Variants in TRIAP1 observed in about 807,000 individuals in gnomAD.
TRIAP1 encodes the protein TP53-regulated inhibitor of apoptosis 1.
TRIAP1 carries 8 observed loss-of-function variants against 8.4 expected under a neutral mutation model. The ratio of observed to expected loss-of-function variants is 0.96; its 90% CI spans 0.56 to 1.73. The LOEUF (loss-of-function observed/expected upper bound fraction) is 1.73. Ranked by LOEUF, TRIAP1 falls within the 40% of genes most tolerant of loss-of-function variation. The pLI is 0.00. For missense variants in TRIAP1, 90 were observed against 96.9 expected (o/e 0.93, Z 0.30); for synonymous variants, 35 against 34.0 (o/e 1.03, Z -0.10).
chr12:120,446,279 T>C lies in TRIAP1; in HGVS notation c.94A>G (p.Ser32Gly). The change falls in exon 1 of 2, where the codon AGC (serine) becomes GGC (glycine). Residue 32 changes from serine (S) to glycine (G), a missense_variant. By Grantham distance (56) the Ser-to-Gly change is moderately conservative. Coordinates refer to ENST00000546954, the MANE Select transcript of TRIAP1 (RefSeq NM_016399.3). ...AGGTCGGTGCACGGGTCCCCGGAGC[T>C]GTCCCCCTTGAGAAATTTCTCGGCG... Reference protein sequence around the residue: ...WFAEKFLKGDSSGDPCTDLFK... With the variant: ...WFAEKFLKGDGSGDPCTDLFK... 1 of 1,614,198 alleles carries C rather than the reference T, an allele frequency of 6.2e-7. No homozygotes were observed. Among genetic ancestry groups the C allele is most frequent in the Non-Finnish European group, 8.5e-7 (1 of 1,180,034 alleles).
Position 120,446,306 on chromosome 12 carries a change from A to G in TRIAP1, c.67T>C (p.Phe23Leu). The change falls in exon 1 of 2, where the codon TTC becomes CTC. Residue 23 changes from phenylalanine to leucine, a missense_variant. By Grantham distance (22) the Phe-to-Leu change is conservative. Transcript: ENST00000546954. ...TCCCCCTTGAGAAATTTCTCGGCGA[A>G]CCAGCGATTGAAGCACTGGTCGTAC... ...REYDQCFNRW[F>L]AEKFLKGDSS... is the part of the protein sequence containing the mutation. 6.2e-7 allele frequency: 1 copy of G among 1,614,178 alleles called. No homozygotes were observed. The highest frequency in any genetic ancestry group is 8.5e-7 in the Non-Finnish European group (1 of 1,180,022).
In TRIAP1 at chr12:120,444,870, G is replaced by T. The variant is rs976948126; in HGVS notation, c.*2C>A. ...CGAAATCCTTCAAGGTGACTGTCAA[G>T]GTCAAGAAGAATTTTCAGGCTTTTC... On this transcript the variant is annotated 3_prime_UTR_variant, in exon 2 of 2. Transcript: ENST00000546954. 2 of 1,612,164 alleles carry T rather than the reference G, an allele frequency of 1.2e-6. No individual in the cohort carries two copies. Among genetic ancestry groups the T allele is most frequent in the Non-Finnish European group, 1.7e-6 (2 of 1,178,866 alleles).
At chr12:120,445,125 T>C (rs141826778) in intron 1 of TRIAP1, among the ~76,000 whole-genome samples, 170 bp from the exon 2 acceptor site, 72 of 152,376 alleles carry the variant, frequency 4.7e-4, no homozygotes, top group African/African-American at 1.6e-3. Flanking sequence ...GTGTGGTGGC[T>C]CACGCCTATA....
In TRIAP1 at chr12:120,446,216, G is replaced by A. The variant is rs760949611; in HGVS notation, c.147+10C>T. The A allele has an allele frequency of 1.9e-6, 3 of 1,611,836 alleles. No individual in the cohort carries two copies. The highest frequency in any genetic ancestry group is 2.5e-6 in the Non-Finnish European group (3 of 1,178,440). On this transcript the variant is annotated intron_variant, in intron 1 of 1. Transcript: ENST00000546954. The stretch of plus-strand genomic sequence containing the variant: ...ATGCAGGGCCTGGGAACAGAGGCGG[G>A]AGGGCTCACCTGAACACACTGCTGG...
intron 1 of TRIAP1, among the ~76,000 whole-genome samples, chr12:120,445,226 A>G (rs527317672): frequency 3.1e-4 from 47 of 152,318 alleles, no homozygotes; most frequent in African/African-American, 1.1e-3. Flanking sequence ...CCCTGTTTAT[A>G]CTAAAAATAC....
At position 120,444,865 on chromosome 12, in the gene TRIAP1, G is replaced by A. The variant is rs1343936017; in HGVS notation, c.*7C>T. Reference sequence around the variant, plus strand: ...ACTTGCGAAATCCTTCAAGGTGACTGTCAAGGTCAAGAAGAATTTTCAGGC... The same window carrying A: ...ACTTGCGAAATCCTTCAAGGTGACTATCAAGGTCAAGAAGAATTTTCAGGC... On this transcript the variant is annotated 3_prime_UTR_variant, in exon 2 of 2. Transcript: ENST00000546954. 1.9e-5 allele frequency: 30 copies of A among 1,611,454 alleles called. No homozygotes were observed. Among genetic ancestry groups the A allele is most frequent in the Non-Finnish European group, 2.4e-5 (28 of 1,178,190 alleles).
chr12:120,446,241 G>A lies in TRIAP1; in HGVS notation c.132C>T (p.Tyr44=). ...GAGGGCTCACCTGAACACACTGCTGGTAGCGCTTGAAGAGGTCGGTGCACG... is the reference window on the plus strand; with the variant it reads ...GAGGGCTCACCTGAACACACTGCTGATAGCGCTTGAAGAGGTCGGTGCACG... The part of the protein sequence containing the change: ...GDPCTDLFKR[Y]QQCVQKAIKE... Residue 44 remains tyrosine (Y), a synonymous_variant, in exon 1 of 2, where the codon TAC becomes TAT. Transcript: ENST00000546954. 3.1e-6 allele frequency: 5 copies of A among 1,614,076 alleles called. No individual in the cohort carries two copies. The highest frequency in any genetic ancestry group is 4.2e-6 in the Non-Finnish European group (5 of 1,179,996).
chr12:120,445,664 T>C (rs1038928066), intron 1 of TRIAP1, among the ~76,000 whole-genome samples: 20 of 152,192 alleles, frequency 1.3e-4, no homozygotes, highest in African/African-American at 4.8e-4. Flanking sequence ...TGCCCGGTGC[T>C]GTTCTTAACA....
intron 1 of TRIAP1, 76 bp from the exon 2 acceptor site, chr12:120,445,031 G>T: frequency 9.3e-7 from 1 of 1,076,752 alleles, no homozygotes; most frequent in Non-Finnish European, 1.4e-6. Context: ...AAATATGACA[G>T]TACAAAAGTA....
Position 120,446,347 on chromosome 12 carries a change from G to T in TRIAP1, c.26C>A (p.Thr9Lys), listed in dbSNP as rs1002419164. The T allele has an allele frequency of 5.0e-6, 8 of 1,614,210 alleles. No individual in the cohort carries two copies. Among genetic ancestry groups the T allele is most frequent in the Non-Finnish European group, 6.8e-6 (8 of 1,180,046 alleles). MNSVGEAC[T>K]DMKREYDQCF... ...CTGGTCGTACTCGCGCTTCATGTCC[G>T]TGCATGCCTCCCCCACACTGTTCAT... is the stretch of plus-strand genomic sequence containing the variant. Residue 9 changes from threonine (T) to lysine (K), a missense_variant, in exon 1 of 2, where the codon ACG (threonine) becomes AAG (lysine). By Grantham distance (78) the Thr-to-Lys change is moderately conservative. Coordinates refer to ENST00000546954, the MANE Select transcript of TRIAP1 (RefSeq NM_016399.3).
chr12:120,445,659 G>A (rs1157410057), intron 1 of TRIAP1, among the ~76,000 whole-genome samples: 1 of 152,104 alleles, frequency 6.6e-6, no homozygotes, highest in Middle Eastern at 3.2e-3. Context: ...TGCTTTGCCC[G>A]GTGCTGTTCT....
At position 120,444,927 on chromosome 12, in the gene TRIAP1, A is replaced by G. The variant is rs1434637197; in HGVS notation, c.176T>C (p.Ile59Thr). The change falls in exon 2 of 2, where the codon ATT becomes ACT. Residue 59 changes from isoleucine (I) to threonine (T), a missense_variant. Ile to Thr is a moderately conservative substitution (Grantham distance 89, BLOSUM62 -1). Transcript: ENST00000546954. ...ATGGCCCATGAACTCCAGTCCTTCA[A>G]TAGGAATCTCTTTCTCCTTTATTGC... is the stretch of plus-strand genomic sequence containing the variant. ...QKAIKEKEIPIEGLEFMGHGK... is the reference protein window; with the variant it reads ...QKAIKEKEIPTEGLEFMGHGK... 9 of 1,613,726 alleles carry G rather than the reference A, an allele frequency of 5.6e-6. No individual in the cohort carries two copies. The South Asian group carries it at 7.7e-5, about 14-fold the overall frequency.
chr12:120,445,600 C>A (rs1369053016), intron 1 of TRIAP1, among the ~76,000 whole-genome samples: 2 of 152,184 alleles, frequency 1.3e-5, no homozygotes, highest in Admixed American at 6.5e-5. Context: ...AAGACAGCAA[C>A]TACCTCGGGG....
intron 1 of TRIAP1, chr12:120,445,888 G>A (rs2137035415): frequency 3.8e-6 from 1 of 262,214 alleles, no homozygotes; most frequent in East Asian, 9.1e-5. Context: ...GAAACCTGAT[G>A]CTAGTGAACT....
intron 1 of TRIAP1, chr12:120,445,816 A>G (rs1877836111): frequency 1.1e-5 from 2 of 180,356 alleles, no homozygotes; most frequent in Non-Finnish European, 2.3e-5. Flanking sequence ...ATTCTGAAGT[A>G]TAATCCCGCC....
Position 120,444,951 on chromosome 12 carries a change from G to T in TRIAP1, c.152C>A (p.Ala51Glu). Residue 51 changes from alanine (A) to glutamate (E), a missense_variant, in exon 2 of 2, where the codon GCA (alanine) becomes GAA (glutamate). Physicochemically the swap from Ala to Glu is moderately radical, Grantham distance 107 (BLOSUM62 -1). Coordinates refer to ENST00000546954, the MANE Select transcript of TRIAP1 (RefSeq NM_016399.3). Reference sequence around the variant, plus strand: ...AATAGGAATCTCTTTCTCCTTTATTGCTTTCTGGTAGGAGGAGAAAACACA... The same window carrying T: ...AATAGGAATCTCTTTCTCCTTTATTTCTTTCTGGTAGGAGGAGAAAACACA... Reference protein sequence around the residue: ...FKRYQQCVQKAIKEKEIPIEG... With the variant: ...FKRYQQCVQKEIKEKEIPIEG... 2 of 1,611,578 alleles carry T rather than the reference G, an allele frequency of 1.2e-6. No individual in the cohort carries two copies. The highest frequency in any genetic ancestry group is 1.7e-5 in the Admixed American group (1 of 59,544).
At chr12:120,446,203 G>A (rs1238276483) in intron 1 of TRIAP1, 23 bp downstream of exon 1, 1 of 1,612,406 alleles carries the variant, frequency 6.2e-7, no homozygotes, top group Non-Finnish European at 8.5e-7. Context: ...GCAGGGCCTG[G>A]GAACAGAGGC....
Position 120,444,585 on chromosome 12 carries a change from C to T in TRIAP1, c.*287G>A, listed in dbSNP as rs113321251. 44 of 373,466 alleles carry T rather than the reference C, an allele frequency of 1.2e-4. No individual in the cohort carries two copies. The highest frequency in any genetic ancestry group is 8.5e-4 in the Middle Eastern group (1 of 1,174). 23.1% of individuals were successfully genotyped at this position (373,466 alleles called of 1,614,324 possible). A position where few individuals can be genotyped will look rare whatever the true frequency, so the allele number is the denominator to read the frequency against. On this transcript the variant is annotated 3_prime_UTR_variant, in exon 2 of 2. Transcript: ENST00000546954. Reference sequence around the variant, plus strand: ...TGACTAGTTTATCATCGTTTGCATACAAGGTATATTTATGTAAAGCTGATT... The same window carrying T: ...TGACTAGTTTATCATCGTTTGCATATAAGGTATATTTATGTAAAGCTGATT...
rs978926445 is a variant in TRIAP1, at chr12:120,444,202, G to C, written c.*670C>G. On this transcript the variant is annotated 3_prime_UTR_variant, in exon 2 of 2. Coordinates refer to ENST00000546954, the MANE Select transcript of TRIAP1 (RefSeq NM_016399.3). ...GGTTCTTCCTCCACAGCTATTCCAAGTATCTTAATTCCTGAACTGCACACT... is the reference window on the plus strand; with the variant it reads ...GGTTCTTCCTCCACAGCTATTCCAACTATCTTAATTCCTGAACTGCACACT... 1 of 152,176 alleles carries C rather than the reference G, an allele frequency of 6.6e-6. No homozygotes were observed. Among genetic ancestry groups the C allele is most frequent in the Non-Finnish European group, 1.5e-5 (1 of 68,070 alleles). 9.4% of individuals were successfully genotyped at this position (152,176 alleles called of 1,614,324 possible).
Sources: allele counts gnomAD v4.1 joint callset (sites outside exome capture counted in the v4.1 genomes callset), GRCh38; gene constraint gnomAD v4.1.1; transcripts MANE v1.5; gene names NCBI Gene and HGNC (gene_info 2026-07-23, HGNC 2026-07-21).